HOMER2: variants seen among roughly 807,000 people sequenced by gnomAD.
HOMER2 encodes homer protein homolog 2.
In HOMER2, 27 loss-of-function variants were observed where a neutral mutation model predicts 47.0. That is an observed-to-expected ratio of 0.57 (90% confidence interval 0.42 to 0.79). The LOEUF is 0.79. Ranked by LOEUF, HOMER2 falls within the 30% of genes least tolerant of loss-of-function variation. The pLI, the probability that HOMER2 is intolerant of heterozygous loss-of-function variation, is 0.00. For missense variants in HOMER2, 443 were observed against 435.0 expected, an observed-to-expected ratio of 1.02 and a Z score of -0.16; for synonymous variants, 161 against 163.8, an observed-to-expected ratio of 0.98 and a Z score of 0.13.
chr15:82,959,664 T>G (rs1372578640), intron 1 of HOMER2, among the ~76,000 whole-genome samples: 1 of 152,174 alleles, frequency 6.6e-6, no homozygotes, highest in African/African-American at 2.4e-5. Context: ...TTGGTTTGAG[T>G]GGTGCCCAGG....
intron 1 of HOMER2, among the ~76,000 whole-genome samples, chr15:82,982,958 A>G (rs2030445609): frequency 6.6e-6 from 1 of 152,176 alleles, no homozygotes; most frequent in Non-Finnish European, 1.5e-5. Flanking sequence ...AAAAGATCAT[A>G]TACAGCTGCT....
chr15:82,933,619 A>G (rs1029422856), intron 1 of HOMER2, among the ~76,000 whole-genome samples: 5 of 152,106 alleles, frequency 3.3e-5, no homozygotes, highest in Admixed American at 6.5e-5. Context: ...TCTCCTCCAA[A>G]TGTCCTTCCA....
chr15:82,878,566 T>C (rs1214981263), intron 2 of HOMER2, among the ~76,000 whole-genome samples: 2 of 152,224 alleles, frequency 1.3e-5, no homozygotes, highest in African/African-American at 2.4e-5. Context: ...TCCATGAATA[T>C]TGCTTCCGCT....
At chr15:82,894,670 CAAA>C (rs11302464) in intron 1 of HOMER2, among the ~76,000 whole-genome samples, 6 of 79,268 alleles carry the variant, frequency 7.6e-5, no homozygotes, top group Admixed American at 1.4e-4. Flanking sequence ...GACTCCATCT[CAAA>C]AAAAAAAAAA....
At chr15:82,955,712 T>C (rs78086831), upstream of HOMER2, among the ~76,000 whole-genome samples, 2,172 of 152,320 alleles carry the variant, frequency 0.014, 153 homozygotes, top group Admixed American at 0.12. Flanking sequence ...TATAGTAACA[T>C]AGAAATATAT....
At chr15:82,904,597 G>C (rs1881156626) in intron 1 of HOMER2, among the ~76,000 whole-genome samples, 1 of 152,164 alleles carries the variant, frequency 6.6e-6, no homozygotes, top group South Asian at 2.1e-4. Flanking sequence ...GGCCCAATCA[G>C]CTGGGGTACT....
intron 1 of HOMER2, among the ~76,000 whole-genome samples, chr15:82,911,227 TTTATAAC>T (rs1430061603): frequency 6.6e-6 from 1 of 152,186 alleles, no homozygotes; most frequent in Non-Finnish European, 1.5e-5. Flanking sequence ...TAACTGTGCT[TTTATAAC>T]TTAAGAAAAT....
intron 2 of HOMER2, among the ~76,000 whole-genome samples, chr15:82,891,393 A>AAG (rs1246119310): frequency 6.6e-6 from 1 of 152,220 alleles, no homozygotes; most frequent in East Asian, 1.9e-4. Flanking sequence ...TCCCAGGGTC[A>AAG]AGCCACCTTT....
chr15:82,962,548 G>T (rs950007058), intron 1 of HOMER2, among the ~76,000 whole-genome samples: 3 of 151,850 alleles, frequency 2.0e-5, no homozygotes, highest in African/African-American at 7.3e-5. Flanking sequence ...TTGGTGGCGT[G>T]CGCCTATAAT....
intron 2 of HOMER2, among the ~76,000 whole-genome samples, chr15:82,882,417 TCA>T (rs1407810088): frequency 2.6e-5 from 4 of 152,278 alleles, no homozygotes; most frequent in South Asian, 2.1e-4. Flanking sequence ...CTCAAAGAGC[TCA>T]CAGTCTCCTG....
chr15:82,851,714 T>G (rs2051402202), intron 7 of HOMER2, among the ~76,000 whole-genome samples: 1 of 152,174 alleles, frequency 6.6e-6, no homozygotes, highest in Non-Finnish European at 1.5e-5. Flanking sequence ...GCGGAATGCT[T>G]CAGCCCAGTT....
intron 1 of HOMER2, among the ~76,000 whole-genome samples, chr15:82,974,753 G>A (rs991514074): frequency 1.3e-5 from 2 of 152,150 alleles, no homozygotes; most frequent in Non-Finnish European, 1.5e-5. Flanking sequence ...GTGAGCCACT[G>A]TGCCTAGCCG....
At chr15:82,895,007 T>C (rs7174726) in intron 1 of HOMER2, among the ~76,000 whole-genome samples, 23,698 of 152,188 alleles carry the variant, frequency 0.16, 2,337 homozygotes, top group African/African-American at 0.27. Context: ...ATATAAGGGC[T>C]ACTGAGTAAC....
At chr15:82,846,689 A>C (rs755466375), downstream of HOMER2, 2 of 152,120 alleles carry the variant, frequency 1.3e-5, no homozygotes, top group Non-Finnish European at 2.9e-5. Context: ...TCACCCAATT[A>C]AAGTCTAATG....
At chr15:82,917,941 T>G (rs1264690715) in intron 1 of HOMER2, among the ~76,000 whole-genome samples, 7 of 152,028 alleles carry the variant, frequency 4.6e-5, no homozygotes, top group Non-Finnish European at 2.9e-5. Flanking sequence ...ATCCTTATAG[T>G]TTAGGGGCGA....
At chr15:82,973,921 C>T (rs1401687881) in intron 1 of HOMER2, among the ~76,000 whole-genome samples, 1 of 152,054 alleles carries the variant, frequency 6.6e-6, no homozygotes, top group Admixed American at 6.6e-5. Flanking sequence ...CAAAAATTAG[C>T]CAGGCATGGT....
chr15:82,929,653 CA>C (rs373315567), intron 1 of HOMER2, among the ~76,000 whole-genome samples: 6,890 of 90,900 alleles, frequency 0.076, 319 homozygotes, highest in African/African-American at 0.19. Context: ...GTGAGACTAT[CA>C]AAAAAAAAAA....
chr15:82,983,910 A>C (rs961578395), intron 1 of HOMER2, among the ~76,000 whole-genome samples: 5 of 151,906 alleles, frequency 3.3e-5, no homozygotes, highest in African/African-American at 9.7e-5. Context: ...GATTTCTACC[A>C]ATCTTTTTCT....
intron 3 of HOMER2, among the ~76,000 whole-genome samples, chr15:82,867,401 A>G (rs548554240): frequency 6.6e-6 from 1 of 152,188 alleles, no homozygotes; most frequent in South Asian, 2.1e-4. Context: ...AAGGGAAACA[A>G]CAGCCTTGGG....
Sources: gnomAD v4.1 joint callset for allele counts (sites outside exome capture counted in the v4.1 genomes callset) on GRCh38, gnomAD v4.1.1 for gene constraint, MANE v1.5 for transcripts, NCBI Gene and HGNC (gene_info 2026-07-23, HGNC 2026-07-21) for gene names.